The following ARF5 variants were observed in gnomAD, a reference collection of about 807,000 sequenced individuals.
ARF5 encodes ARF GTPase 5, also known as ADP-ribosylation factor 5.
In ARF5, 10 loss-of-function variants were observed where a neutral mutation model predicts 24.8. The observed-to-expected ratio is 0.40, with a 90% CI of 0.25 to 0.68. ARF5 has a LOEUF of 0.68. Ranked by LOEUF, ARF5 falls within the 30% of genes least tolerant of loss-of-function variation. The pLI, the probability that ARF5 is intolerant of heterozygous loss-of-function variation, is 0.36. For synonymous variants in ARF5, 102 were observed against 95.1 expected (o/e 1.07, Z -0.42); for missense variants, 135 against 239.2 (o/e 0.56, Z 2.87).
chr7:127,588,586 G>T, intron 1 of ARF5, 21 bp downstream of exon 1: 1 of 1,363,928 alleles, frequency 7.3e-7, no homozygotes, highest in South Asian at 1.7e-5. Flanking sequence ...TCGAGCGCGC[G>T]GCCCGGACCG....
rs773591820 is a variant in ARF5 at position 127,589,130 on chromosome 7, T to C, written c.115T>C (p.Leu39=). 4.3e-6 allele frequency: 7 copies of C among 1,614,066 alleles called. No homozygotes were observed. In the Admixed American group the frequency reaches 5.0e-5, roughly 12 times the overall value. Residue 39 remains leucine, a synonymous_variant, in exon 2 of 6, where the codon TTG becomes CTG. Coordinates refer to ENST00000000233, the MANE Select transcript of ARF5 (RefSeq NM_001662.4). The part of the protein sequence containing the change: ...GKTTILYKLK[L]GEIVTTIPTI... ...GACCACAATCCTGTACAAACTGAAG[T>C]TGGGGGAGATTGTCACCACCATCCC... is the stretch of plus-strand genomic sequence containing the variant.
intron 1 of ARF5, 53 bp from the exon 2 acceptor site, chr7:127,589,030 T>C: frequency 7.5e-6 from 12 of 1,597,176 alleles, no homozygotes; most frequent in Non-Finnish European, 1.0e-5. Flanking sequence ...TTCCCTGGTC[T>C]CTAGGGGGCT....
At chr7:127,589,901 C>T in intron 3 of ARF5, 165 bp from the exon 4 acceptor site, 1 of 663,960 alleles carries the variant, frequency 1.5e-6, no homozygotes. Context: ...TAGTTTGTGC[C>T]ATGACTCCTG....
In ARF5 at chr7:127,591,221, C is replaced by A; in HGVS notation, c.465C>A (p.Val155=). Residue 155 remains valine, a synonymous_variant, in exon 6 of 6, where the codon GTC becomes GTA. Transcript: ENST00000000233. Reference sequence around the variant, plus strand: ...TTTCCTTTTCCCCACAGTGGTATGTCCAGGCCACCTGTGCCACCCAAGGCA... The same window carrying A: ...TTTCCTTTTCCCCACAGTGGTATGTACAGGCCACCTGTGCCACCCAAGGCA... ...LQHLRSRTWY[V]QATCATQGTG... 1.2e-6 allele frequency: 2 copies of A among 1,607,582 alleles called. No individual in the cohort carries two copies. The highest frequency in any genetic ancestry group is 1.1e-5 in the South Asian group (1 of 90,562).
chr7:127,589,272 A>G (rs545926848), intron 2 of ARF5, 109 bp downstream of exon 2: 3 of 1,335,040 alleles, frequency 2.2e-6, no homozygotes, highest in Non-Finnish European at 3.2e-6. Context: ...AGATACAGCT[A>G]TTTGAGAAGT....
chr7:127,591,245 C>T lies in ARF5; in HGVS notation c.489C>T (p.Gly163=), dbSNP rs1794282966. 3.1e-6 allele frequency: 5 copies of T among 1,608,608 alleles called. No individual in the cohort carries two copies. Among genetic ancestry groups the T allele is most frequent in the Middle Eastern group, 3.3e-4 (2 of 6,032 alleles). ...WYVQATCATQ[G]TGLYDGLDWL... ...TCCAGGCCACCTGTGCCACCCAAGG[C>T]ACAGGTCTGTACGATGGTCTGGACT... The change falls in exon 6 of 6, where the codon GGC becomes GGT. Residue 163 remains glycine (G), a synonymous_variant. Coordinates refer to ENST00000000233, the MANE Select transcript of ARF5 (RefSeq NM_001662.4).
chr7:127,588,818 C>T, intron 1 of ARF5: 1 of 578,136 alleles, frequency 1.7e-6, no homozygotes. Flanking sequence ...GGGAGGATTC[C>T]GCCCTTGGAG....
Position 127,588,647 on chromosome 7 carries a change from C to T in ARF5, c.67+82C>T, listed in dbSNP as rs530660177. 60 of 1,227,978 alleles carry T rather than the reference C, an allele frequency of 4.9e-5. 1 individual carries two copies. The East Asian group carries it at 1.5e-3, about 30-fold the overall frequency. 76.1% of individuals were successfully genotyped at this position (1,227,978 alleles called of 1,614,324 possible). On this transcript the variant is annotated intron_variant, in intron 1 of 5. Coordinates refer to ENST00000000233, the MANE Select transcript of ARF5 (RefSeq NM_001662.4). ...CCGCCCCCGCGTCCCTCCAGCCCCG[C>T]TCACCTGGGTCTCTGGCCCCGAGTC...
In ARF5 at chr7:127,589,576, C is replaced by T. The variant is rs1397708638; in HGVS notation, c.240C>T (p.His80=). 5 of 1,613,656 alleles carry T rather than the reference C, an allele frequency of 3.1e-6. 1 individual carries two copies. The highest frequency in any genetic ancestry group is 4.5e-5 in the East Asian group (2 of 44,876). Residue 80 remains histidine (H), a synonymous_variant, in exon 3 of 6, where the codon CAC becomes CAT. Transcript: ENST00000000233. ...ACAAGATTCGGCCTCTGTGGCGGCACTACTTCCAGAACACTCAGGTGGAGT... is the reference window on the plus strand; with the variant it reads ...ACAAGATTCGGCCTCTGTGGCGGCATTACTTCCAGAACACTCAGGTGGAGT... ...GQDKIRPLWR[H]YFQNTQGLIF... is the part of the protein sequence containing the mutation.
Position 127,590,095 on chromosome 7 carries a change from C to T in ARF5, c.288C>T (p.Asp96=), listed in dbSNP as rs1794261305. 1.2e-6 allele frequency: 2 copies of T among 1,613,988 alleles called. No homozygotes were observed. Among genetic ancestry groups the T allele is most frequent in the Middle Eastern group, 1.7e-4 (1 of 6,060 alleles). ...TCATCTTTGTGGTGGACAGTAATGA[C>T]CGGGAGCGGGTCCAAGAATCTGCTG... ...QGLIFVVDSN[D]RERVQESADE... Residue 96 remains aspartate, a synonymous_variant, in exon 4 of 6, where the codon GAC becomes GAT. Transcript: ENST00000000233.
chr7:127,591,217 A>G lies in ARF5; in HGVS notation c.461A>G (p.Tyr154Cys). 2 of 1,607,600 alleles carry G rather than the reference A, an allele frequency of 1.2e-6. No individual in the cohort carries two copies. Among genetic ancestry groups the G allele is most frequent in the Non-Finnish European group, 1.7e-6 (2 of 1,177,880 alleles). Residue 154 changes from tyrosine to cysteine, a missense_variant, in exon 6 of 6, where the codon TAT (tyrosine) becomes TGT (cysteine). Transcript: ENST00000000233. ...GLQHLRSRTW[Y>C]VQATCATQGT... ...TTTCTTTCCTTTTCCCCACAGTGGTATGTCCAGGCCACCTGTGCCACCCAA... is the reference window on the plus strand; with the variant it reads ...TTTCTTTCCTTTTCCCCACAGTGGTGTGTCCAGGCCACCTGTGCCACCCAA...
chr7:127,588,807 A>G (rs998616366), intron 1 of ARF5: 1 of 578,236 alleles, frequency 1.7e-6, no homozygotes, highest in Non-Finnish European at 3.0e-6. Flanking sequence ...GCTGGTAAGA[A>G]GGGAGGATTC....
chr7:127,588,627 C>G (rs1794239484), intron 1 of ARF5, 62 bp downstream of exon 1: 1 of 1,282,464 alleles, frequency 7.8e-7, no homozygotes, highest in Non-Finnish European at 1.0e-6. Context: ...CCCTTCCGCC[C>G]CCGCGTCCCT....
chr7:127,589,289 G>T, intron 2 of ARF5, 126 bp downstream of exon 2: 1 of 1,246,632 alleles, frequency 8.0e-7, no homozygotes, highest in Non-Finnish European at 1.1e-6. Context: ...AAGTGGGTCA[G>T]GGTATCTCTA....
In ARF5 at chr7:127,589,023, C is replaced by T. The variant is rs1794245916; in HGVS notation, c.68-60C>T. On this transcript the variant is annotated intron_variant, in intron 1 of 5. Transcript: ENST00000000233. ...TCAGCTGTTGTGGCCTCTCCCTTTC[C>T]CTGGTCTCTAGGGGGCTCCCTCGCT... is the stretch of plus-strand genomic sequence containing the variant. 3.8e-6 allele frequency: 6 copies of T among 1,588,754 alleles called. No individual in the cohort carries two copies. The East Asian group carries it at 1.1e-4, about 30-fold the overall frequency.
At chr7:127,591,168 C>G (rs1475231785) in intron 5 of ARF5, 45 bp from the exon 6 acceptor site, 3 of 1,606,612 alleles carry the variant, frequency 1.9e-6, no homozygotes, top group South Asian at 2.2e-5. Context: ...AAAGGCATTC[C>G]TTTTGTTCCT....
At position 127,590,104 on chromosome 7, in the gene ARF5, G is replaced by A. The variant is rs777834274; in HGVS notation, c.297G>A (p.Arg99=). 1.9e-6 allele frequency: 3 copies of A among 1,613,998 alleles called. No individual in the cohort carries two copies. The African/African-American group carries it at 4.0e-5, about 22-fold the overall frequency. The change falls in exon 4 of 6, where the codon CGG becomes CGA. Residue 99 remains arginine (R), a synonymous_variant. Transcript: ENST00000000233. ...TGGTGGACAGTAATGACCGGGAGCG[G>A]GTCCAAGAATCTGCTGATGAACTCC... ...IFVVDSNDRE[R]VQESADELQK... is the part of the protein sequence containing the mutation.
At position 127,589,923 on chromosome 7, in the gene ARF5, TAG is replaced by T. The variant is rs1791368876; in HGVS notation, c.259-140_259-139del. The stretch of plus-strand genomic sequence containing the variant: ...TGCCATGACTCCTGTAGAGCTTCTA[TAG>T]AGTTCTGTAAACTTCTGTAGAGTTT... On this transcript the variant is annotated intron_variant, in intron 3 of 5. Transcript: ENST00000000233. 4 of 759,192 alleles carry T rather than the reference TAG, an allele frequency of 5.3e-6. No homozygotes were observed. In the Admixed American group the frequency reaches 8.3e-5, roughly 16 times the overall value. 47.0% of individuals were successfully genotyped at this position (759,192 alleles called of 1,614,324 possible). A position where few individuals can be genotyped will look rare whatever the true frequency, so the allele number is the denominator to read the frequency against.
intron 4 of ARF5, 117 bp from the exon 5 acceptor site, chr7:127,590,846 C>G (rs998226581): frequency 7.4e-7 from 1 of 1,349,436 alleles, no homozygotes; most frequent in Non-Finnish European, 1.0e-6. Context: ...TTGTCTTCAA[C>G]GGCAGACTGC....
Sources: gnomAD v4.1 joint callset for allele counts on GRCh38, gnomAD v4.1.1 for gene constraint, MANE v1.5 for transcripts, NCBI Gene and HGNC (gene_info 2026-07-23, HGNC 2026-07-21) for gene names.